The following ABI3BP variants were observed in gnomAD, a reference collection of about 807,000 sequenced individuals.
ABI3BP encodes ABI family member 3 binding protein.
A neutral mutation model predicts 268.6 loss-of-function variants in ABI3BP; 216 were observed. The ratio of observed to expected loss-of-function variants is 0.80; its 90% CI spans 0.72 to 0.90. ABI3BP has a LOEUF of 0.90. Ranked by LOEUF, ABI3BP falls within the 40% of genes least tolerant of loss-of-function variation. ABI3BP has a pLI of 0.00. For missense variants in ABI3BP, 2,090 were observed against 2,182.4 expected, an observed-to-expected ratio of 0.96 and a Z score of 0.84; for synonymous variants, 730 against 730.0, an observed-to-expected ratio of 1.00 and a Z score of 0.00.
chr3:100,886,658 A>G (rs1464002510), intron 4 of ABI3BP, among the ~76,000 whole-genome samples: 6 of 152,002 alleles, frequency 3.9e-5, no homozygotes, highest in Admixed American at 1.3e-4. Context: ...ATAATATTCT[A>G]TTATACATAG....
intron 58 of ABI3BP, among the ~76,000 whole-genome samples, chr3:100,779,697 T>C (rs1440083036): frequency 6.6e-6 from 1 of 152,064 alleles, no homozygotes; most frequent in Admixed American, 6.6e-5. Context: ...AAAGGTATTC[T>C]GAGTCACCAG....
chr3:100,818,468 C>T, intron 41 of ABI3BP, 57 bp downstream of exon 41: 18 of 1,364,132 alleles, frequency 1.3e-5, no homozygotes, highest in Non-Finnish European at 1.8e-5. Context: ...AAACTGACTA[C>T]AGTGGTATGA....
chr3:100,783,293 G>A (rs1168254280), intron 57 of ABI3BP, among the ~76,000 whole-genome samples: 1 of 152,176 alleles, frequency 6.6e-6, no homozygotes, highest in African/African-American at 2.4e-5. Flanking sequence ...TGAGGGGACT[G>A]GATTATCGTG....
At chr3:100,753,686 A>G (rs968049486) in intron 65 of ABI3BP, 133 bp downstream of exon 65, 8 of 962,802 alleles carry the variant, frequency 8.3e-6, no homozygotes, top group African/African-American at 1.6e-5. Context: ...GTAGGTAAAC[A>G]TTCACAACTG....
chr3:100,812,836 G>A (rs1207208179), intron 45 of ABI3BP, among the ~76,000 whole-genome samples: 1 of 152,092 alleles, frequency 6.6e-6, no homozygotes, highest in Non-Finnish European at 1.5e-5. Context: ...TAAAATAAAT[G>A]TCAGGAAGTA....
At chr3:100,896,209 A>T (rs563378921) in intron 4 of ABI3BP, among the ~76,000 whole-genome samples, 2 of 152,306 alleles carry the variant, frequency 1.3e-5, no homozygotes, top group South Asian at 4.1e-4. Flanking sequence ...GAGTAGAGCC[A>T]GGGTGCGTGT....
At chr3:100,780,757 A>G (rs900545797) in intron 57 of ABI3BP, among the ~76,000 whole-genome samples, 1 of 152,180 alleles carries the variant, frequency 6.6e-6, no homozygotes, top group Non-Finnish European at 1.5e-5. Context: ...AGCCCTGGGC[A>G]GGCCTCTAAC....
At chr3:100,775,424 C>T in intron 59 of ABI3BP, 89 bp from the exon 60 acceptor site, 3 of 1,509,770 alleles carry the variant, frequency 2.0e-6, no homozygotes. Context: ...TGTTTTTAAG[C>T]ACTGACCATG....
chr3:100,771,491 C>A (rs1293294347), intron 61 of ABI3BP, among the ~76,000 whole-genome samples: 1 of 151,570 alleles, frequency 6.6e-6, no homozygotes, highest in African/African-American at 2.4e-5. Context: ...ATGTAGATCT[C>A]ACATAGATGT....
chr3:100,835,353 A>G (rs1246395598), intron 28 of ABI3BP, among the ~76,000 whole-genome samples: 1 of 152,230 alleles, frequency 6.6e-6, no homozygotes, highest in East Asian at 1.9e-4. Context: ...GGCTCTGTCA[A>G]GCATTAATAA....
At chr3:100,878,139 T>C (rs2099182782) in intron 6 of ABI3BP, among the ~76,000 whole-genome samples, 1 of 152,190 alleles carries the variant, frequency 6.6e-6, no homozygotes, top group East Asian at 1.9e-4. Context: ...TTAAAATAAA[T>C]TTATTATCCA....
chr3:100,969,153 C>A (rs2082495819), intron 1 of ABI3BP, among the ~76,000 whole-genome samples: 1 of 152,168 alleles, frequency 6.6e-6, no homozygotes, highest in Non-Finnish European at 1.5e-5. Context: ...AGACTTGAAT[C>A]AGAGCCAGGA....
intron 57 of ABI3BP, among the ~76,000 whole-genome samples, chr3:100,785,196 AATAAAG>A (rs2096993881): frequency 6.6e-6 from 1 of 152,222 alleles, no homozygotes; most frequent in Non-Finnish European, 1.5e-5. Flanking sequence ...TGAGATGGAT[AATAAAG>A]ATAAATATTC....
chr3:100,789,716 T>G (rs897415793), intron 55 of ABI3BP, among the ~76,000 whole-genome samples, 200 bp from the exon 56 acceptor site: 1 of 151,990 alleles, frequency 6.6e-6, no homozygotes, highest in Admixed American at 6.6e-5. Context: ...AAATTAAAGA[T>G]GCACATAGAA....
chr3:100,876,475 G>GT, intron 7 of ABI3BP, 37 bp downstream of exon 7: 1 of 1,564,704 alleles, frequency 6.4e-7, no homozygotes, highest in Non-Finnish European at 8.8e-7. Flanking sequence ...GTATGTTAAA[G>GT]ATTGCTCTAA....
rs149586124 is a variant in ABI3BP, at chr3:100,992,065, C to G, written c.79+1241G>C. On this transcript the variant is annotated intron_variant, in intron 1 of 67. Transcript: ENST00000471714. ...TGGCTCATAATTGATTTATTTAAATCACAGTTTTATTGTGATCAAGGAGCA... is the reference window on the plus strand; with the variant it reads ...TGGCTCATAATTGATTTATTTAAATGACAGTTTTATTGTGATCAAGGAGCA... Among the ~76,000 whole-genome samples the G allele has an allele frequency of 2.1e-3, 313 of 152,210 alleles. 1 individual carries two copies. Among genetic ancestry groups the G allele is most frequent in the African/African-American group, 7.1e-3 (296 of 41,544 alleles).
At chr3:100,771,227 T>C (rs2096535738) in intron 61 of ABI3BP, among the ~76,000 whole-genome samples, 1 of 152,166 alleles carries the variant, frequency 6.6e-6, no homozygotes. Flanking sequence ...CTTCATACTT[T>C]ATGGGGCACT....
At position 100,862,863 on chromosome 3, in the gene ABI3BP, A is replaced by G; in HGVS notation, c.1185T>C (p.Pro395=). ...PEFPEAKTPF[P]FEKPRGTLAS... Reference sequence around the variant, plus strand: ...CCAATGTGCCCCTAGGTTTCTCAAAAGGGAAGGGTGTTTTTGCCTCAGGAA... The same window carrying G: ...CCAATGTGCCCCTAGGTTTCTCAAAGGGGAAGGGTGTTTTTGCCTCAGGAA... The change falls in exon 13 of 68, where the codon CCT becomes CCC. Residue 395 remains proline (P), a synonymous_variant. Coordinates refer to ENST00000471714, the MANE Select transcript of ABI3BP (RefSeq NM_001375547.2). 1.3e-6 allele frequency: 2 copies of G among 1,535,694 alleles called. No individual in the cohort carries two copies. The highest frequency in any genetic ancestry group is 1.7e-6 in the Non-Finnish European group (2 of 1,146,668).
At chr3:100,822,381 A>C (rs529240702) in intron 38 of ABI3BP, among the ~76,000 whole-genome samples, 1 of 152,354 alleles carries the variant, frequency 6.6e-6, no homozygotes, top group East Asian at 1.9e-4. Context: ...AAAAGACTGC[A>C]CAAAGGAAGC....
Sources: allele counts gnomAD v4.1 joint callset (sites outside exome capture counted in the v4.1 genomes callset), GRCh38; gene constraint gnomAD v4.1.1; transcripts MANE v1.5; gene names NCBI Gene and HGNC (gene_info 2026-07-23, HGNC 2026-07-21).